CCDC102B: variants seen among roughly 807,000 people sequenced by gnomAD.
CCDC102B encodes coiled-coil domain containing 102B.
CCDC102B carries 75 observed loss-of-function variants against 57.4 expected under a neutral mutation model. That is an observed-to-expected ratio of 1.31 (90% CI 1.08 to 1.58). The LOEUF is 1.58. Ranked by LOEUF, CCDC102B falls within the 40% of genes most tolerant of loss-of-function variation. CCDC102B has a pLI of 0.00. For synonymous variants in CCDC102B, 206 were observed against 201.9 expected (o/e 1.02, Z -0.17); for missense variants, 636 against 582.6 (o/e 1.09, Z -0.94).
intron 6 of CCDC102B, among the ~76,000 whole-genome samples, chr18:68,932,754 TCATTAAAC>T (rs1423754484): frequency 6.6e-6 from 1 of 151,906 alleles, no homozygotes. Flanking sequence ...AACATACAGA[TCATTAAAC>T]CAATCTGTAC....
chr18:69,056,636 A>AATAGATAGATAGATGGATAT (rs1555678888), downstream of CCDC102B, among the ~76,000 whole-genome samples: 1 of 121,918 alleles, frequency 8.2e-6, no homozygotes, highest in African/African-American at 2.9e-5. Flanking sequence ...ATAGATAGAT[A>AATAGATAGATAGATGGATAT]ATAGATAGAT....
chr18:68,723,843 T>C (rs2032472645), intron 2 of CCDC102B, among the ~76,000 whole-genome samples: 1 of 152,214 alleles, frequency 6.6e-6, no homozygotes, highest in Non-Finnish European at 1.5e-5. Context: ...GAGGCCCTCT[T>C]CTCACAGCTC....
intron 1 of CCDC102B, among the ~76,000 whole-genome samples, chr18:68,810,342 T>G (rs1312779537): frequency 6.6e-6 from 1 of 152,162 alleles, no homozygotes; most frequent in Non-Finnish European, 1.5e-5. Flanking sequence ...CATTTGCATA[T>G]ACACACTCAG....
intron 2 of CCDC102B, among the ~76,000 whole-genome samples, chr18:68,771,022 AG>A (rs2034622364): frequency 6.6e-6 from 1 of 152,256 alleles, no homozygotes; most frequent in Non-Finnish European, 1.5e-5. Flanking sequence ...GCAGGGACCT[AG>A]ATTGATATTA....
rs970821279 is a variant in CCDC102B, at chr18:68,838,545, A to G, written c.607-161A>G. 4.1e-6 allele frequency: 4 copies of G among 985,328 alleles called. No individual in the cohort carries two copies. The Admixed American group carries it at 2.5e-4, about 61-fold the overall frequency. The allele number at this position is 985,328 out of a possible 1,614,324, so 61.0% of individuals were successfully genotyped here. On this transcript the variant is annotated intron_variant, in intron 2 of 7. Transcript: ENST00000360242. Reference sequence around the variant, plus strand: ...TAGAAAAAAACAAGCTCAAAGAAGAATGCAAGTAAGTGTGGCCACACAACA... The same window carrying G: ...TAGAAAAAAACAAGCTCAAAGAAGAGTGCAAGTAAGTGTGGCCACACAACA...
rs906410903 is a variant in CCDC102B at position 68,748,530 on chromosome 18, C to T, written c.-67+31936C>T. On this transcript the variant is annotated intron_variant, in intron 2 of 3. Coordinates refer to the CCDC102B transcript ENST00000578970. ...TTTCCCAACGGAGTAATTTTCAATT[C>T]TTTCATCAGCAGTAGGGATAGCAAC... 2.6e-5 allele frequency among the ~76,000 whole-genome samples: 4 copies of T among 152,184 alleles called. No individual in the cohort carries two copies. In the East Asian group the frequency reaches 7.7e-4, roughly 29 times the overall value.
chr18:69,010,790 C>A, intron 6 of CCDC102B, 144 bp from the exon 7 acceptor site: 2 of 563,100 alleles, frequency 3.6e-6, no homozygotes, highest in Non-Finnish European at 6.1e-6. Context: ...TATCTGATTA[C>A]AGAAATGTAG....
In CCDC102B at chr18:69,008,424, C is replaced by A. The variant is rs1156346692; in HGVS notation, c.1264-2510C>A. On this transcript the variant is annotated intron_variant, in intron 6 of 7. Transcript: ENST00000360242. ...CGAGTGTCCTGTCTAGCTGCCCAGACCAAATCTGTCTGTTTCCAGCTGCCT... is the reference window on the plus strand; with the variant it reads ...CGAGTGTCCTGTCTAGCTGCCCAGAACAAATCTGTCTGTTTCCAGCTGCCT... 1.3e-5 allele frequency among the ~76,000 whole-genome samples: 2 copies of A among 152,158 alleles called. 1 individual carries two copies. The highest frequency in any genetic ancestry group is 2.9e-5 in the Non-Finnish European group (2 of 68,032).
At chr18:69,036,503 A>G (rs1039012310) in intron 7 of CCDC102B, among the ~76,000 whole-genome samples, 1 of 152,136 alleles carries the variant, frequency 6.6e-6, no homozygotes, top group Non-Finnish European at 1.5e-5. Flanking sequence ...CCTAAACTTT[A>G]GGAAATTATT....
chr18:68,913,680 A>G (rs2040964494), intron 6 of CCDC102B, among the ~76,000 whole-genome samples: 1 of 151,030 alleles, frequency 6.6e-6, no homozygotes, highest in African/African-American at 2.4e-5. Flanking sequence ...AAGCAAAAAC[A>G]AAGACAAAAC....
chr18:68,784,390 G>A (rs1453625594), intron 2 of CCDC102B, among the ~76,000 whole-genome samples: 1 of 151,978 alleles, frequency 6.6e-6, no homozygotes, highest in Non-Finnish European at 1.5e-5. Context: ...CCAAGGGGAT[G>A]GTTGTAAACC....
intron 5 of CCDC102B, among the ~76,000 whole-genome samples, chr18:68,889,422 G>C (rs2039998211): frequency 6.6e-6 from 1 of 152,032 alleles, no homozygotes; most frequent in Admixed American, 6.6e-5. Flanking sequence ...TAGTGGTTTT[G>C]TTTTGTTTTA....
At chr18:68,723,111 C>G (rs998188498) in intron 2 of CCDC102B, among the ~76,000 whole-genome samples, 2 of 152,038 alleles carry the variant, frequency 1.3e-5, no homozygotes, top group African/African-American at 4.8e-5. Context: ...GGTGGCAGGA[C>G]AGAGAATGGG....
At chr18:68,810,680 G>GTTTTTTTTTTTTTTTTTTTTTT (rs61714863) in intron 1 of CCDC102B, among the ~76,000 whole-genome samples, 3 of 77,040 alleles carry the variant, frequency 3.9e-5, no homozygotes, top group African/African-American at 1.0e-4. Flanking sequence ...TCTTTTCTTT[G>GTTTTTTTTTTTTTTTTTTTTTT]TTTTTTTTTT....
At chr18:68,976,591 TA>T (rs545472237) in intron 6 of CCDC102B, among the ~76,000 whole-genome samples, 3 of 151,930 alleles carry the variant, frequency 2.0e-5, no homozygotes. Context: ...TTGCCAAGTT[TA>T]AAAAAAATTA....
intron 1 of CCDC102B, among the ~76,000 whole-genome samples, chr18:68,813,776 A>T (rs542679884): frequency 1.1e-4 from 15 of 138,366 alleles, no homozygotes; most frequent in African/African-American, 2.8e-4. Flanking sequence ...ATATAATTTT[A>T]TATATATATA....
rs117580067 is a variant in CCDC102B, at chr18:69,041,617, G to A, written c.1435-12413G>A. Among the ~76,000 whole-genome samples the A allele has an allele frequency of 4.2e-3, 636 of 152,146 alleles. 5 individuals are homozygous for A. The highest frequency in any genetic ancestry group is 0.024 in the South Asian group (117 of 4,828). On this transcript the variant is annotated intron_variant, in intron 7 of 7. Transcript: ENST00000360242. ...ATGCCCCCAGGTTGTTACATGCCTG[G>A]AGTCTGACCATTAGAATTTCAGCTT...
At chr18:68,995,548 C>T (rs2051001612) in intron 6 of CCDC102B, among the ~76,000 whole-genome samples, 2 of 151,996 alleles carry the variant, frequency 1.3e-5, no homozygotes, top group South Asian at 4.1e-4. Flanking sequence ...GGGTACAGGC[C>T]CCAAGACTTG....
chr18:69,037,475 C>T (rs1305893296), intron 7 of CCDC102B, among the ~76,000 whole-genome samples: 1 of 151,974 alleles, frequency 6.6e-6, no homozygotes, highest in African/African-American at 2.4e-5. Flanking sequence ...ATTGTACTGA[C>T]TTCTCTTCCA....
Sources: gnomAD v4.1 joint callset for allele counts (sites outside exome capture counted in the v4.1 genomes callset) on GRCh38, gnomAD v4.1.1 for gene constraint, MANE v1.5 for transcripts, NCBI Gene and HGNC (gene_info 2026-07-23, HGNC 2026-07-21) for gene names.